Variants in ITPR1 observed in about 807,000 individuals in gnomAD.
The protein encoded by ITPR1 is inositol 1,4,5-trisphosphate-gated calcium channel ITPR1.
In ITPR1, 96 loss-of-function variants were observed where a neutral mutation model predicts 318.4. The observed-to-expected ratio is 0.30, with a 90% confidence interval of 0.26 to 0.36. ITPR1 has a LOEUF of 0.36. ITPR1 is among the 10% of genes least tolerant of loss of function. The pLI is 1.00. For missense variants in ITPR1, 2,440 were observed against 3,460.2 expected (o/e 0.71, Z 7.40); for synonymous variants, 1,312 against 1,289.9 (o/e 1.02, Z -0.37).
At chr3:4,835,661 G>C (rs1226350573) in intron 60 of ITPR1, among the ~76,000 whole-genome samples, 2 of 152,190 alleles carry the variant, frequency 1.3e-5, no homozygotes, top group Non-Finnish European at 1.5e-5. Flanking sequence ...AATGACACCA[G>C]ACATGTGGAA....
At chr3:4,678,655 A>G (rs13322592) in intron 24 of ITPR1, among the ~76,000 whole-genome samples, 21,128 of 152,216 alleles carry the variant, frequency 0.14, 1,594 homozygotes, top group Middle Eastern at 0.23. Context: ...GGAGTCCGGG[A>G]GTGGGGTCAT....
intron 43 of ITPR1, among the ~76,000 whole-genome samples, 180 bp downstream of exon 43, chr3:4,733,400 G>A (rs2043064231): frequency 6.6e-6 from 1 of 151,988 alleles, no homozygotes; most frequent in African/African-American, 2.4e-5. Context: ...ATATTTTCCT[G>A]CAAACTAGCA....
intron 39 of ITPR1, among the ~76,000 whole-genome samples, chr3:4,712,934 C>T (rs1445655018): frequency 6.6e-6 from 1 of 152,088 alleles, no homozygotes; most frequent in Non-Finnish European, 1.5e-5. Context: ...TTCTGTAACT[C>T]AGTAGGAATT....
chr3:4,558,699 A>G (rs955725157), intron 4 of ITPR1, among the ~76,000 whole-genome samples: 2 of 152,216 alleles, frequency 1.3e-5, no homozygotes, highest in Admixed American at 6.5e-5. Context: ...TCTTCTCTGG[A>G]GAGGCATTTG....
At chr3:4,564,520 G>C (rs2087017789) in intron 4 of ITPR1, among the ~76,000 whole-genome samples, 1 of 152,180 alleles carries the variant, frequency 6.6e-6, no homozygotes, top group African/African-American at 2.4e-5. Context: ...CGTTCTGCAT[G>C]TTTTTGTCCT....
rs2050069522 is a variant in ITPR1 at position 4,826,262 on chromosome 3, A to G, written c.8028+8020A>G. 6.6e-6 allele frequency among the ~76,000 whole-genome samples: 1 copy of G among 152,204 alleles called. No individual in the cohort carries two copies. Among genetic ancestry groups the G allele is most frequent in the Non-Finnish European group, 1.5e-5 (1 of 68,042 alleles). On this transcript the variant is annotated intron_variant, in intron 60 of 61. Transcript: ENST00000649015. This position sits in a 1 kb window ranked among gnomAD's most constrained non-coding sequence, Gnocchi z 4.2. ...GCCTAGGTATGTTCCTAGAATATTGATATTTCAACATTGGTAGTGCTGAGC... is the reference window on the plus strand; with the variant it reads ...GCCTAGGTATGTTCCTAGAATATTGGTATTTCAACATTGGTAGTGCTGAGC...
At chr3:4,531,361 C>A (rs111484969) in intron 4 of ITPR1, among the ~76,000 whole-genome samples, 1 of 152,272 alleles carries the variant, frequency 6.6e-6, no homozygotes, top group South Asian at 2.1e-4. Flanking sequence ...CATTTCTCAC[C>A]AAAGTTGCTG....
intron 52 of ITPR1, among the ~76,000 whole-genome samples, chr3:4,790,744 C>T (rs1420952191): frequency 1.3e-5 from 2 of 152,192 alleles, no homozygotes; most frequent in Non-Finnish European, 2.9e-5. Flanking sequence ...GACTCAGACA[C>T]GTAGTGAGAT....
intron 4 of ITPR1, among the ~76,000 whole-genome samples, chr3:4,548,374 T>C (rs530315810): frequency 6.6e-6 from 1 of 152,336 alleles, no homozygotes; most frequent in Admixed American, 6.5e-5. Context: ...AAAAGGGGTG[T>C]GCGTGTGTGT....
chr3:4,727,063 A>G (rs531785865), intron 41 of ITPR1, 63 bp from the exon 42 acceptor site: 3 of 1,227,520 alleles, frequency 2.4e-6, no homozygotes, highest in Non-Finnish European at 2.4e-6. Context: ...TATGTGACTG[A>G]TGCTGCAGAT....
At chr3:4,761,823 T>C (rs2045472516) in intron 44 of ITPR1, among the ~76,000 whole-genome samples, 1 of 152,188 alleles carries the variant, frequency 6.6e-6, no homozygotes, top group African/African-American at 2.4e-5. Context: ...GAGACAGTCC[T>C]GAGGAGAACA....
At chr3:4,532,350 A>T (rs999872077) in intron 4 of ITPR1, among the ~76,000 whole-genome samples, 1 of 152,118 alleles carries the variant, frequency 6.6e-6, no homozygotes, top group African/African-American at 2.4e-5. Flanking sequence ...GAGATTCTAC[A>T]TTTCTTTTTT....
intron 44 of ITPR1, among the ~76,000 whole-genome samples, chr3:4,757,884 C>T (rs1039409386): frequency 6.6e-6 from 1 of 152,112 alleles, no homozygotes; most frequent in African/African-American, 2.4e-5. Flanking sequence ...TCTTGGTAGC[C>T]ACTGGCGTTG....
At chr3:4,814,658 AGAGGAAGAGCTGG>A in intron 58 of ITPR1, 96 bp downstream of exon 58, 1 of 1,146,396 alleles carries the variant, frequency 8.7e-7, no homozygotes, top group Non-Finnish European at 1.3e-6. Flanking sequence ...CTGAAGACGC[AGAGGAAGAGCTGG>A]GAGTAGGGCT....
At chr3:4,502,871 C>T in intron 2 of ITPR1, among the ~76,000 whole-genome samples, 1 of 151,916 alleles carries the variant, frequency 6.6e-6, no homozygotes, top group East Asian at 2.0e-4. Context: ...CACCTGAGGT[C>T]AGGAGTTTGA....
In ITPR1 at chr3:4,775,169, A is replaced by G. The variant is rs2046411616; in HGVS notation, c.5980-73A>G. 3 of 1,094,066 alleles carry G rather than the reference A, an allele frequency of 2.7e-6. No homozygotes were observed. In the Admixed American group the frequency reaches 5.1e-5, roughly 19 times the overall value. 67.8% of individuals were successfully genotyped at this position (1,094,066 alleles called of 1,614,324 possible). A position where few individuals can be genotyped will look rare whatever the true frequency, so the allele number is the denominator to read the frequency against. ...TTACCAACCTATTAGAGGCTATCAG[A>G]ATGGCAGGATGAATAACGTTTCCCT... On this transcript the variant is annotated intron_variant, in intron 46 of 61. Transcript: ENST00000649015.
At chr3:4,666,985 C>T (rs1184894836) in intron 17 of ITPR1, among the ~76,000 whole-genome samples, 4 of 152,150 alleles carry the variant, frequency 2.6e-5, no homozygotes, top group Non-Finnish European at 4.4e-5. Flanking sequence ...TAGGCTTTAT[C>T]TGTGTTTATT....
At chr3:4,629,185 A>C (rs1559570070) in intron 5 of ITPR1, among the ~76,000 whole-genome samples, 1 of 152,054 alleles carries the variant, frequency 6.6e-6, no homozygotes, top group Non-Finnish European at 1.5e-5. Context: ...TGGCCGTATG[A>C]GCTTTATTTT....
intron 23 of ITPR1, among the ~76,000 whole-genome samples, chr3:4,675,863 T>G (rs2094174054): frequency 6.6e-6 from 1 of 152,222 alleles, no homozygotes; most frequent in African/African-American, 2.4e-5. Flanking sequence ...CTAGGTCTTG[T>G]GCTGAGTCAT....
Sources: gnomAD v4.1 joint callset for allele counts (sites outside exome capture counted in the v4.1 genomes callset) on GRCh38, gnomAD v4.1.1 for gene constraint, Gnocchi (gnomAD v3.1) non-coding constraint, MANE v1.5 for transcripts, NCBI Gene and HGNC (gene_info 2026-07-23, HGNC 2026-07-21) for gene names.